The following NXPE4 variants were observed in gnomAD, a reference collection of about 807,000 sequenced individuals.
NXPE4 encodes the protein neurexophilin and PC-esterase domain family member 4, also known as NXPE family member 4.
A neutral mutation model predicts 33.3 loss-of-function variants in NXPE4; 42 were observed. The ratio of observed to expected loss-of-function variants is 1.26; its 90% confidence interval spans 0.98 to 1.63. The LOEUF is 1.63. NXPE4 is among the 40% of genes most tolerant of loss of function. The pLI, the probability that NXPE4 is intolerant of heterozygous loss-of-function variation, is 0.00. For missense variants in NXPE4, 709 were observed against 647.6 expected (o/e 1.09, Z -1.03); for synonymous variants, 253 against 234.9 (o/e 1.08, Z -0.71).
At chr11:114,629,411 G>C in the NXPE4 span, among the ~76,000 whole-genome samples, 2 of 146,872 alleles carry the variant, frequency 1.4e-5, no homozygotes, top group Non-Finnish European at 1.5e-5. Flanking sequence ...CAGAACCAAA[G>C]ACAAAAACCA....
Position 114,570,947 on chromosome 11 carries a change from A to G in NXPE4, c.1626T>C (p.Tyr542=), listed in dbSNP as rs745427181. The stretch of plus-strand genomic sequence containing the variant: ...CAGACTTTTGTGTTATTTAACAAAT[A>G]TAGTTTAATAATATATTAATCTGAT... The part of the protein sequence containing the change: ...VGNQINILLN[Y]IC The change falls in exon 6 of 6, where the codon TAT becomes TAC. Residue 542 remains tyrosine, a synonymous_variant. Transcript: ENST00000375478. 2.5e-6 allele frequency: 4 copies of G among 1,574,230 alleles called. No homozygotes were observed. The highest frequency in any genetic ancestry group is 1.7e-6 in the Non-Finnish European group (2 of 1,158,176).
At chr11:114,574,327 C>A (rs1243024331) in intron 5 of NXPE4, among the ~76,000 whole-genome samples, 2 of 151,328 alleles carry the variant, frequency 1.3e-5, no homozygotes, top group Admixed American at 1.3e-4. Flanking sequence ...AATCCAAACC[C>A]AAACCTGGCA....
the NXPE4 span, among the ~76,000 whole-genome samples, chr11:114,653,641 C>T: frequency 2.0e-5 from 3 of 151,380 alleles, no homozygotes; most frequent in Admixed American, 6.6e-5. Context: ...CATTCTCCTG[C>T]CTTAGCCTCC....
the NXPE4 span, among the ~76,000 whole-genome samples, chr11:114,642,413 T>C: frequency 6.6e-6 from 1 of 151,924 alleles, no homozygotes; most frequent in African/African-American, 2.4e-5. Flanking sequence ...CCTAATGCTA[T>C]CCCTCCCCAC....
chr11:114,629,750 A>G, the NXPE4 span, among the ~76,000 whole-genome samples: 11 of 151,568 alleles, frequency 7.3e-5, no homozygotes, highest in East Asian at 1.5e-3. Flanking sequence ...TGCAGACGAC[A>G]TGATTGTATA....
At chr11:114,610,822 C>A in the NXPE4 span, among the ~76,000 whole-genome samples, 33 of 152,012 alleles carry the variant, frequency 2.2e-4, no homozygotes, top group African/African-American at 6.7e-4. Context: ...ATCACTGTTA[C>A]CCTGTGGATA....
At chr11:114,602,490 T>A in the NXPE4 span, among the ~76,000 whole-genome samples, 1 of 136,728 alleles carries the variant, frequency 7.3e-6, no homozygotes, top group Non-Finnish European at 1.5e-5. Context: ...ATATAACATA[T>A]ATTATCCCAT....
chr11:114,601,973 TCTG>T, the NXPE4 span, among the ~76,000 whole-genome samples: 1 of 74,904 alleles, frequency 1.3e-5, no homozygotes, highest in Non-Finnish European at 2.4e-5. Context: ...TATTATATAT[TCTG>T]TTATATATAA....
chr11:114,650,768 G>A, the NXPE4 span, among the ~76,000 whole-genome samples: 2 of 152,086 alleles, frequency 1.3e-5, no homozygotes, highest in Non-Finnish European at 2.9e-5. Flanking sequence ...ACAAGAAGGA[G>A]GAGCAAGAAC....
upstream of NXPE4, among the ~76,000 whole-genome samples, chr11:114,600,054 G>A (rs1949620002): frequency 6.6e-6 from 1 of 152,134 alleles, no homozygotes; most frequent in African/African-American, 2.4e-5. Flanking sequence ...AATACAAAGT[G>A]AGCATTAGAA....
At chr11:114,621,244 G>C in the NXPE4 span, among the ~76,000 whole-genome samples, 2 of 151,554 alleles carry the variant, frequency 1.3e-5, no homozygotes, top group Non-Finnish European at 3.0e-5. Context: ...CAGTTACCCG[G>C]TGGATAATAC....
At position 114,578,543 on chromosome 11, in the gene NXPE4, T is replaced by G. The variant is rs139145578; in HGVS notation, c.1099+1589A>C. On this transcript the variant is annotated intron_variant, in intron 5 of 5. Transcript: ENST00000375478. ...CACAATTTAAAGCTCTTCCTTCCAT[T>G]GAGAATTTTTCTTATAACTTAGAAC... 7.0e-3 allele frequency among the ~76,000 whole-genome samples: 1,067 copies of G among 152,266 alleles called. 3 individuals are homozygous for G. Among genetic ancestry groups the G allele is most frequent in the Non-Finnish European group, 0.011 (721 of 68,022 alleles).
the NXPE4 span, among the ~76,000 whole-genome samples, chr11:114,658,104 G>A: frequency 4.1e-3 from 623 of 152,068 alleles, 2 homozygotes; most frequent in Middle Eastern, 0.044. Context: ...CATCAATCCC[G>A]TCATAAAAAA....
At chr11:114,663,583 TATC>T in the NXPE4 span, among the ~76,000 whole-genome samples, 7 of 143,250 alleles carry the variant, frequency 4.9e-5, no homozygotes, top group Admixed American at 3.5e-4. Context: ...CATCTCTATC[TATC>T]ATCTATCTAT....
At chr11:114,575,840 G>GAA (rs772699060) in intron 5 of NXPE4, among the ~76,000 whole-genome samples, 1 of 151,968 alleles carries the variant, frequency 6.6e-6, no homozygotes, top group Non-Finnish European at 1.5e-5. Flanking sequence ...CACAGAACTA[G>GAA]AAAAAACAAT....
At chr11:114,597,967 C>T (rs1949596051), upstream of NXPE4, among the ~76,000 whole-genome samples, 1 of 152,136 alleles carries the variant, frequency 6.6e-6, no homozygotes. Context: ...ACTCAAAAGT[C>T]TGAAGTCCAA....
the NXPE4 span, among the ~76,000 whole-genome samples, chr11:114,635,997 A>G: frequency 5.1e-3 from 778 of 152,024 alleles, 5 homozygotes; most frequent in African/African-American, 0.016. Flanking sequence ...GTTAGGGAGG[A>G]TTCCCTCTTT....
the NXPE4 span, among the ~76,000 whole-genome samples, chr11:114,609,739 A>G: frequency 6.6e-6 from 1 of 151,728 alleles, no homozygotes. Flanking sequence ...CTCATGGATA[A>G]CCACTGTTAC....
chr11:114,638,363 G>T, the NXPE4 span, among the ~76,000 whole-genome samples: 3 of 151,774 alleles, frequency 2.0e-5, no homozygotes, highest in African/African-American at 7.2e-5. Context: ...TTATCCATTC[G>T]TCTAAATTTT....
Sources: gnomAD v4.1 joint callset for allele counts (sites outside exome capture counted in the v4.1 genomes callset) on GRCh38, gnomAD v4.1.1 for gene constraint, MANE v1.5 for transcripts, NCBI Gene and HGNC (gene_info 2026-07-23, HGNC 2026-07-21) for gene names.